The following ERBB4 variants were observed in gnomAD, a reference collection of about 807,000 sequenced individuals.
The protein encoded by ERBB4 is receptor tyrosine-protein kinase erbB-4.
A neutral mutation model predicts 158.0 loss-of-function variants in ERBB4; 42 were observed. That is an observed-to-expected ratio of 0.27 (90% CI 0.21 to 0.34). The LOEUF (loss-of-function observed/expected upper bound fraction) is 0.34, where lower values mean the gene tolerates loss of function less well. Among genes scored for constraint, ERBB4 ranks in the 10% least tolerant of loss-of-function variants. ERBB4 has a pLI of 1.00. For missense variants in ERBB4, 1,333 were observed against 1,624.1 expected (o/e 0.82, Z 3.08); for synonymous variants, 583 against 558.7 (o/e 1.04, Z -0.61).
chr2:212,217,765 T>C (rs76695603), intron 1 of ERBB4, among the ~76,000 whole-genome samples: 2,128 of 151,414 alleles, frequency 0.014, 42 homozygotes, highest in African/African-American at 0.049. Context: ...TGTTGAGTCT[T>C]GATAGTTTTT....
intron 1 of ERBB4, among the ~76,000 whole-genome samples, chr2:212,269,216 A>G (rs1315131817): frequency 1.3e-5 from 2 of 151,852 alleles, no homozygotes; most frequent in African/African-American, 4.8e-5. Flanking sequence ...CTGTGATTCA[A>G]TTGTACAGAT....
intron 3 of ERBB4, among the ~76,000 whole-genome samples, chr2:211,848,399 T>C (rs566359584): frequency 4.7e-4 from 72 of 152,206 alleles, no homozygotes; most frequent in Non-Finnish European, 8.1e-4. Context: ...GAACCTGGAA[T>C]CATGGCCTGT....
At chr2:211,772,854 T>TACACACACACACAC (rs1440498628) in intron 4 of ERBB4, among the ~76,000 whole-genome samples, 1 of 59,712 alleles carries the variant, frequency 1.7e-5, no homozygotes, top group African/African-American at 7.5e-5. Context: ...TATATATATA[T>TACACACACACACAC]ATATATATAT....
intron 4 of ERBB4, among the ~76,000 whole-genome samples, chr2:211,780,833 T>C (rs2076015420): frequency 6.6e-6 from 1 of 152,220 alleles, no homozygotes; most frequent in Non-Finnish European, 1.5e-5. Flanking sequence ...AGAAAAATGA[T>C]CTTTTGGATT....
chr2:212,415,630 C>T (rs959350254), intron 1 of ERBB4, among the ~76,000 whole-genome samples: 3 of 151,672 alleles, frequency 2.0e-5, no homozygotes, highest in African/African-American at 7.3e-5. Context: ...ATATGTATAA[C>T]CAAGAATAAA....
At chr2:212,442,351 C>A (rs533631382) in intron 1 of ERBB4, among the ~76,000 whole-genome samples, 2 of 152,166 alleles carry the variant, frequency 1.3e-5, no homozygotes, top group Non-Finnish European at 2.9e-5. Context: ...GAGGCTGGGT[C>A]CCTTTGAGGA....
At chr2:212,006,883 T>C (rs2076272629) in intron 2 of ERBB4, among the ~76,000 whole-genome samples, 1 of 152,050 alleles carries the variant, frequency 6.6e-6, no homozygotes, top group Non-Finnish European at 1.5e-5. Context: ...CCCTTTACAT[T>C]TTAACTTCAC....
intron 2 of ERBB4, among the ~76,000 whole-genome samples, chr2:212,045,084 C>A (rs1394648760): frequency 1.3e-5 from 2 of 152,178 alleles, no homozygotes; most frequent in Non-Finnish European, 2.9e-5. Context: ...ATGAATCTTG[C>A]ATAAAAATAT....
intron 20 of ERBB4, among the ~76,000 whole-genome samples, chr2:211,561,000 CG>C (rs2067377081): frequency 6.6e-6 from 1 of 152,032 alleles, no homozygotes; most frequent in African/African-American, 2.4e-5. Flanking sequence ...TAAAAGACTT[CG>C]GGTCATATTT....
intron 19 of ERBB4, among the ~76,000 whole-genome samples, chr2:211,607,738 G>C (rs1313150641): frequency 1.3e-5 from 2 of 151,838 alleles, no homozygotes; most frequent in Admixed American, 1.3e-4. Flanking sequence ...TATATATGTA[G>C]TATACATAGA....
intron 5 of ERBB4, among the ~76,000 whole-genome samples, chr2:211,743,553 A>G (rs1308853441): frequency 1.3e-5 from 2 of 152,186 alleles, no homozygotes; most frequent in Non-Finnish European, 2.9e-5. Context: ...TTGTTTCTTT[A>G]ATCATTATTA....
At chr2:211,463,712 TC>T (rs11340595) in intron 20 of ERBB4, among the ~76,000 whole-genome samples, 84,261 of 151,880 alleles carry the variant, frequency 0.55, 25,202 homozygotes, top group Middle Eastern at 0.67. Flanking sequence ...CCTCCTCCCC[TC>T]CTACAGCAGG....
At chr2:211,494,111 T>C (rs1574603601) in intron 20 of ERBB4, among the ~76,000 whole-genome samples, 1 of 152,154 alleles carries the variant, frequency 6.6e-6, no homozygotes, top group African/African-American at 2.4e-5. Context: ...CAAACAATTC[T>C]TGGGCTTCAG....
At chr2:212,138,861 AT>A (rs2125599820) in intron 1 of ERBB4, among the ~76,000 whole-genome samples, 1 of 152,290 alleles carries the variant, frequency 6.6e-6, no homozygotes, top group Admixed American at 6.5e-5. Flanking sequence ...TAACGATATG[AT>A]TGAACATGTC....
intron 2 of ERBB4, among the ~76,000 whole-genome samples, chr2:212,002,109 A>G (rs954001306): frequency 5.9e-5 from 9 of 152,188 alleles, no homozygotes; most frequent in Non-Finnish European, 1.3e-4. Flanking sequence ...ACTGAGCTCA[A>G]TGTTCACTTT....
At chr2:211,820,050 A>T (rs1243164627) in intron 3 of ERBB4, among the ~76,000 whole-genome samples, 1 of 151,950 alleles carries the variant, frequency 6.6e-6, no homozygotes, top group African/African-American at 2.4e-5. Flanking sequence ...CTTGTGGGAA[A>T]TGTTTCACAT....
At chr2:212,213,490 T>C (rs2082999804) in intron 1 of ERBB4, among the ~76,000 whole-genome samples, 1 of 151,876 alleles carries the variant, frequency 6.6e-6, no homozygotes, top group African/African-American at 2.4e-5. Context: ...GTAGATCTTA[T>C]GCATTTATGG....
At chr2:211,719,221 T>C (rs912805744) in intron 7 of ERBB4, among the ~76,000 whole-genome samples, 2 of 152,190 alleles carry the variant, frequency 1.3e-5, no homozygotes, top group Non-Finnish European at 2.9e-5. Flanking sequence ...ATTACCACGA[T>C]TGCTTTGATT....
At chr2:212,284,409 T>C (rs2085879719) in intron 1 of ERBB4, among the ~76,000 whole-genome samples, 2 of 152,120 alleles carry the variant, frequency 1.3e-5, no homozygotes, top group Non-Finnish European at 2.9e-5. Flanking sequence ...CATTACAGCA[T>C]GTTGCATTGT....
Sources: gnomAD v4.1 joint callset for allele counts (sites outside exome capture counted in the v4.1 genomes callset) on GRCh38, gnomAD v4.1.1 for gene constraint, MANE v1.5 for transcripts, NCBI Gene and HGNC (gene_info 2026-07-23, HGNC 2026-07-21) for gene names.